Variants in SCARA3 observed in about 807,000 individuals in gnomAD.
The protein encoded by SCARA3 is cellular stress response gene protein.
In SCARA3, 39 loss-of-function variants were observed where a neutral mutation model predicts 47.0. That is an observed-to-expected ratio of 0.83 (90% CI 0.64 to 1.08). SCARA3 has a LOEUF of 1.08. Ranked by LOEUF, SCARA3 falls within the 50% of genes least tolerant of loss-of-function variation. The probability of loss-of-function intolerance (pLI) is 0.00; values close to 1 mark genes in which losing one functional copy is unlikely to be tolerated. For missense variants in SCARA3, 724 were observed against 792.3 expected (o/e 0.91, Z 1.04); for synonymous variants, 356 against 334.1 (o/e 1.07, Z -0.71).
the SCARA3 span, among the ~76,000 whole-genome samples, chr8:27,716,070 C>T: frequency 6.6e-6 from 1 of 152,028 alleles, no homozygotes; most frequent in African/African-American, 2.4e-5. Flanking sequence ...CTTTGAGAGG[C>T]TGAGGCAGGA....
rs950276476 is a variant in SCARA3 at position 27,659,340 on chromosome 8, C to T, written c.1170C>T (p.His390=). 6.2e-6 allele frequency: 10 copies of T among 1,614,048 alleles called. No individual in the cohort carries two copies. Among genetic ancestry groups the T allele is most frequent in the South Asian group, 4.4e-5 (4 of 91,086 alleles). Residue 390 remains histidine, a synonymous_variant, in exon 5 of 6, where the codon CAC becomes CAT. Coordinates refer to ENST00000301904, the MANE Select transcript of SCARA3 (RefSeq NM_016240.3). ...DVRLSCTLGF[H]THAEELYYLN... is the part of the protein sequence containing the mutation. Reference sequence around the variant, plus strand: ...GGCTCTCCTGCACGCTGGGCTTCCACACCCATGCCGAGGAGCTCTACTACC... The same window carrying T: ...GGCTCTCCTGCACGCTGGGCTTCCATACCCATGCCGAGGAGCTCTACTACC...
chr8:27,715,863 TACATA>T, the SCARA3 span, among the ~76,000 whole-genome samples: 32 of 92,074 alleles, frequency 3.5e-4, no homozygotes, highest in African/African-American at 1.4e-3. The surrounding 1 kb of genome is among the most constrained non-coding windows in gnomAD (Gnocchi z 4.2). Context: ...GATAGATAGA[TACATA>T]GATAGATAGA....
At position 27,668,133 on chromosome 8, in the gene SCARA3, G is replaced by A. The variant is rs1021141342; in HGVS notation, c.1370-2767G>A. Reference sequence around the variant, plus strand: ...CCACCAGGAGCATGTGGGCGCTTGGGCCTCCACACCTAGGGAAAGACTCCC... The same window carrying A: ...CCACCAGGAGCATGTGGGCGCTTGGACCTCCACACCTAGGGAAAGACTCCC... On this transcript the variant is annotated intron_variant, in intron 5 of 5. Transcript: ENST00000301904. 2.0e-5 allele frequency among the ~76,000 whole-genome samples: 3 copies of A among 152,224 alleles called. No individual in the cohort carries two copies. The East Asian group carries it at 5.8e-4, about 29-fold the overall frequency.
the SCARA3 span, among the ~76,000 whole-genome samples, chr8:27,705,580 C>T: frequency 2.6e-5 from 4 of 152,234 alleles, no homozygotes; most frequent in Admixed American, 6.5e-5. Flanking sequence ...CCAAACCTCA[C>T]CTTTTGCACC....
rs1022235210 is a variant in SCARA3, at chr8:27,672,550, C to T, written c.*1199C>T. 62 of 985,606 alleles carry T rather than the reference C, an allele frequency of 6.3e-5. No homozygotes were observed. The highest frequency in any genetic ancestry group is 1.1e-4 in the East Asian group (1 of 8,814). The allele number at this position is 985,606 out of a possible 1,614,324, so 61.1% of individuals were successfully genotyped here. On this transcript the variant is annotated 3_prime_UTR_variant, in exon 6 of 6. Transcript: ENST00000301904. ...GGCTCTCCTGATCACAGCTGCATGC[C>T]GACCTTGTCCCACCGGGACCCACAA... is the stretch of plus-strand genomic sequence containing the variant.
At chr8:27,715,843 TA>T in the SCARA3 span, among the ~76,000 whole-genome samples, 2 of 126,674 alleles carry the variant, frequency 1.6e-5, no homozygotes, top group African/African-American at 5.7e-5. This position sits in a 1 kb window ranked among gnomAD's most constrained non-coding sequence, Gnocchi z 4.2. Flanking sequence ...GATAGATAGA[TA>T]GATAGATAGA....
downstream of SCARA3, among the ~76,000 whole-genome samples, chr8:27,673,803 C>T (rs1178167293): frequency 6.6e-6 from 1 of 152,182 alleles, no homozygotes; most frequent in African/African-American, 2.4e-5. Context: ...GTGCTCTGTG[C>T]TCCTCTGCAG....
chr8:27,724,692 C>T, the SCARA3 span, among the ~76,000 whole-genome samples: 1 of 152,002 alleles, frequency 6.6e-6, no homozygotes, highest in Admixed American at 6.6e-5. Context: ...GTTAAGTGTG[C>T]CCAAAGAGTG....
the SCARA3 span, among the ~76,000 whole-genome samples, chr8:27,732,699 C>T: frequency 6.6e-6 from 1 of 152,048 alleles, no homozygotes; most frequent in Non-Finnish European, 1.5e-5. Context: ...ACATTTAAAC[C>T]CCAGAACACT....
the SCARA3 span, among the ~76,000 whole-genome samples, chr8:27,723,472 T>TA: frequency 6.6e-6 from 1 of 152,202 alleles, no homozygotes; most frequent in Non-Finnish European, 1.5e-5. Context: ...CCTTCATCCT[T>TA]AGAGTCTTAA....
chr8:27,713,523 G>A, the SCARA3 span, among the ~76,000 whole-genome samples: 17 of 151,924 alleles, frequency 1.1e-4, no homozygotes, highest in African/African-American at 4.1e-4. Context: ...TATTTTCATC[G>A]GTATGTACTC....
chr8:27,659,370 C>T lies in SCARA3; in HGVS notation c.1200C>T (p.Asn400=). The change falls in exon 5 of 6, where the codon AAC becomes AAT. Residue 400 remains asparagine (N), a synonymous_variant. Coordinates refer to ENST00000301904, the MANE Select transcript of SCARA3 (RefSeq NM_016240.3). ...HTHAEELYYL[N]KSVSIMLGTT... ...ATGCCGAGGAGCTCTACTACCTGAACAAGTCTGTCTCCATCATGCTGGGCA... is the reference window on the plus strand; with the variant it reads ...ATGCCGAGGAGCTCTACTACCTGAATAAGTCTGTCTCCATCATGCTGGGCA... 6.2e-7 allele frequency: 1 copy of T among 1,614,164 alleles called. No homozygotes were observed. Among genetic ancestry groups the T allele is most frequent in the South Asian group, 1.1e-5 (1 of 91,082 alleles).
intron 1 of SCARA3, among the ~76,000 whole-genome samples, chr8:27,637,193 G>A (rs1045043674): frequency 1.3e-5 from 2 of 152,338 alleles, no homozygotes; most frequent in East Asian, 1.9e-4. Context: ...ATTTCCACCC[G>A]AGGCCCCTCC....
chr8:27,698,820 G>A, the SCARA3 span, among the ~76,000 whole-genome samples: 1 of 152,022 alleles, frequency 6.6e-6, no homozygotes, highest in African/African-American at 2.4e-5. Context: ...GATCTTTATA[G>A]TAAAAAGTAC....
At chr8:27,711,985 G>A in the SCARA3 span, among the ~76,000 whole-genome samples, 157 of 152,262 alleles carry the variant, frequency 1.0e-3, no homozygotes, top group Middle Eastern at 3.4e-3. Context: ...TTGGGCAAAC[G>A]TATAATGACG....
the SCARA3 span, chr8:27,701,251 G>C: frequency 6.6e-6 from 1 of 152,204 alleles, no homozygotes; most frequent in Non-Finnish European, 1.5e-5. Context: ...AATCAGGTAA[G>C]TGGTTACCTG....
At chr8:27,690,702 T>A in the SCARA3 span, among the ~76,000 whole-genome samples, 1 of 150,616 alleles carries the variant, frequency 6.6e-6, no homozygotes, top group African/African-American at 2.4e-5. Flanking sequence ...AGTTTTTAAA[T>A]TTTTTTTTTA....
At chr8:27,667,008 C>T (rs1802031257) in intron 5 of SCARA3, among the ~76,000 whole-genome samples, 2 of 152,342 alleles carry the variant, frequency 1.3e-5, no homozygotes, top group Admixed American at 6.5e-5. Context: ...CCACGCACCT[C>T]GGCCACTGTT....
chr8:27,671,924 C>T lies in SCARA3; in HGVS notation c.*573C>T. The T allele has an allele frequency of 1.0e-6, 1 of 985,440 alleles. No individual in the cohort carries two copies. The highest frequency in any genetic ancestry group is 1.2e-6 in the Non-Finnish European group (1 of 829,940). 61.0% of individuals were successfully genotyped at this position (985,440 alleles called of 1,614,324 possible). ...AAGACCCCCTCTCCTGTGACTGAGC[C>T]TGCCAGGGAGGCAGCTACCTCGGGA... On this transcript the variant is annotated 3_prime_UTR_variant, in exon 6 of 6. Coordinates refer to ENST00000301904, the MANE Select transcript of SCARA3 (RefSeq NM_016240.3).
Sources: gnomAD v4.1 joint callset for allele counts (sites outside exome capture counted in the v4.1 genomes callset) on GRCh38, gnomAD v4.1.1 for gene constraint, Gnocchi (gnomAD v3.1) non-coding constraint, MANE v1.5 for transcripts, NCBI Gene and HGNC (gene_info 2026-07-23, HGNC 2026-07-21) for gene names.